The following FAM107A variants were observed in gnomAD, a reference collection of about 807,000 sequenced individuals.
The protein encoded by FAM107A is family with sequence similarity 107 member A.
FAM107A carries 19 observed loss-of-function variants against 13.7 expected under a neutral mutation model. The ratio of observed to expected loss-of-function variants is 1.38; its 90% CI spans 0.97 to 2.03. The LOEUF (loss-of-function observed/expected upper bound fraction) is 2.03. FAM107A is among the 30% of genes most tolerant of loss of function. The probability of loss-of-function intolerance (pLI) is 0.00; values close to 1 mark genes in which losing one functional copy is unlikely to be tolerated. For synonymous variants in FAM107A, 82 were observed against 74.5 expected, an observed-to-expected ratio of 1.10 and a Z score of -0.52; for missense variants, 203 against 184.4, an observed-to-expected ratio of 1.10 and a Z score of -0.58.
At chr3:58,611,624 G>C (rs1301874111) in intron 1 of FAM107A, among the ~76,000 whole-genome samples, 2 of 152,204 alleles carry the variant, frequency 1.3e-5, no homozygotes, top group African/African-American at 4.8e-5. Context: ...ACTGCACTGG[G>C]CAGTGACACC....
At chr3:58,589,302 G>T (rs1388716736), upstream of FAM107A, 6 of 1,436,636 alleles carry the variant, frequency 4.2e-6, no homozygotes, top group Admixed American at 3.9e-5. Context: ...TGGAGTTGAG[G>T]ACCCTTGGTT....
chr3:58,575,247 C>T (rs1313024608), intron 1 of FAM107A, among the ~76,000 whole-genome samples: 1 of 152,184 alleles, frequency 6.6e-6, no homozygotes, highest in Non-Finnish European at 1.5e-5. Context: ...TTACCTTGGG[C>T]AAGTAGCTTA....
intron 1 of FAM107A, among the ~76,000 whole-genome samples, chr3:58,605,654 T>C (rs74761601): frequency 0.012 from 1,837 of 152,300 alleles, 39 homozygotes; most frequent in African/African-American, 0.041. Context: ...AAGTTGTTTT[T>C]AGTGGTAGTG....
In FAM107A at chr3:58,605,128, T is replaced by G. The variant is rs140557929; in HGVS notation, c.-69-15859A>C. Among the ~76,000 whole-genome samples, 649 of 152,316 alleles carry G rather than the reference T, an allele frequency of 4.3e-3. 6 individuals carry two copies. Among genetic ancestry groups the G allele is most frequent in the Non-Finnish European group, 5.9e-3 (403 of 68,028 alleles). On this transcript the variant is annotated intron_variant, in intron 1 of 3. Transcript: ENST00000465970. Reference sequence around the variant, plus strand: ...GGCTTTGTTATGCAGCTCTGGAGTATCCCTTACACCACAGTATAGTCCTCA... The same window carrying G: ...GGCTTTGTTATGCAGCTCTGGAGTAGCCCTTACACCACAGTATAGTCCTCA...
chr3:58,624,704 G>A (rs949232762), intron 1 of FAM107A, among the ~76,000 whole-genome samples: 2 of 151,584 alleles, frequency 1.3e-5, no homozygotes, highest in Admixed American at 6.6e-5. Flanking sequence ...TTCCCCAGGG[G>A]ACAAAGGTGA....
chr3:58,588,279 G>C (rs1240523795), upstream of FAM107A, among the ~76,000 whole-genome samples: 2 of 152,242 alleles, frequency 1.3e-5, no homozygotes, highest in Non-Finnish European at 2.9e-5. Context: ...TGAGCTGACT[G>C]TTGTGGTCTC....
chr3:58,594,789 G>C (rs897268579), intron 1 of FAM107A, among the ~76,000 whole-genome samples: 1 of 152,098 alleles, frequency 6.6e-6, no homozygotes, highest in South Asian at 2.1e-4. Context: ...GAAGAGTGTT[G>C]TTTTTACCTA....
intron 1 of FAM107A, among the ~76,000 whole-genome samples, chr3:58,621,062 G>A (rs527818444): frequency 2.6e-4 from 40 of 152,206 alleles, no homozygotes; most frequent in African/African-American, 8.7e-4. Context: ...AGGAGGTGGC[G>A]GCATGGTTCC....
upstream of FAM107A, among the ~76,000 whole-genome samples, chr3:58,578,963 C>T (rs1242473572): frequency 2.6e-5 from 4 of 152,172 alleles, no homozygotes; most frequent in Non-Finnish European, 4.4e-5. Flanking sequence ...GTTCTAAGTG[C>T]TGGGGGTACC....
chr3:58,573,784 G>A (rs1010775418), intron 1 of FAM107A: 71 of 152,510 alleles, frequency 4.7e-4, no homozygotes, highest in African/African-American at 1.5e-3. Context: ...TCTGGAGCTG[G>A]AGCCTGGAAA....
chr3:58,597,148 T>G (rs1327342599), intron 1 of FAM107A, among the ~76,000 whole-genome samples: 1 of 152,234 alleles, frequency 6.6e-6, no homozygotes, highest in East Asian at 1.9e-4. Flanking sequence ...CTCCTAAAGC[T>G]GCTATGAACA....
At chr3:58,571,359 G>A (rs1488490578) in intron 1 of FAM107A, among the ~76,000 whole-genome samples, 1 of 152,184 alleles carries the variant, frequency 6.6e-6, no homozygotes, top group Admixed American at 6.5e-5. Context: ...ATGTAGCCAG[G>A]TGAAGTGTCA....
At position 58,566,339 on chromosome 3, in the gene FAM107A, CTT is replaced by C. The variant is rs568392452; in HGVS notation, c.*247_*248del. The C allele has an allele frequency of 6.8e-4, 329 of 485,846 alleles. 5 individuals are homozygous for C. The highest frequency in any genetic ancestry group is 3.8e-3 in the South Asian group (100 of 26,610). 30.1% of individuals were successfully genotyped at this position (485,846 alleles called of 1,614,324 possible). A position where few individuals can be genotyped will look rare whatever the true frequency, so the allele number is the denominator to read the frequency against. ...AGCTCCTGTGCTGGGCTCTGAACCC[CTT>C]GCAGGGAGGGGTGCAGGTTATCCCT... On this transcript the variant is annotated 3_prime_UTR_variant, in exon 4 of 4. Transcript: ENST00000360997.
At chr3:58,582,471 GT>G (rs5849263), upstream of FAM107A, among the ~76,000 whole-genome samples, 122,079 of 152,158 alleles carry the variant, frequency 0.8, 49,476 homozygotes, top group East Asian at 1. Flanking sequence ...TAGGATGCAG[GT>G]TAACGCCCCT....
At chr3:58,622,845 C>T (rs2065969710) in intron 1 of FAM107A, among the ~76,000 whole-genome samples, 1 of 152,188 alleles carries the variant, frequency 6.6e-6, no homozygotes, top group Non-Finnish European at 1.5e-5. Context: ...TCCTCTTGTC[C>T]TTGAGCCTCC....
At chr3:58,583,991 T>C (rs2065576558) in intron 1 of FAM107A, among the ~76,000 whole-genome samples, 1 of 152,262 alleles carries the variant, frequency 6.6e-6, no homozygotes, top group Non-Finnish European at 1.5e-5. Context: ...GCCTCTATTT[T>C]GGGTCTGAAT....
intron 2 of FAM107A, among the ~76,000 whole-genome samples, chr3:58,568,986 C>A (rs1423519289): frequency 1.3e-5 from 2 of 152,176 alleles, no homozygotes; most frequent in Non-Finnish European, 2.9e-5. Context: ...CTGTAACATT[C>A]CTGCCCACTT....
chr3:58,603,119 T>C (rs1375240991), intron 1 of FAM107A, among the ~76,000 whole-genome samples: 6 of 152,242 alleles, frequency 3.9e-5, no homozygotes, highest in Admixed American at 6.5e-5. Context: ...TGCTTTGTTA[T>C]ATTGGTTTAG....
chr3:58,568,183 C>T (rs893468919), intron 2 of FAM107A, among the ~76,000 whole-genome samples: 1 of 151,972 alleles, frequency 6.6e-6, no homozygotes. Flanking sequence ...GCCTGTAATC[C>T]CAGCACTTTG....
Sources: gnomAD v4.1 joint callset for allele counts (sites outside exome capture counted in the v4.1 genomes callset) on GRCh38, gnomAD v4.1.1 for gene constraint, MANE v1.5 for transcripts, NCBI Gene and HGNC (gene_info 2026-07-23, HGNC 2026-07-21) for gene names.